Variants in MTURN observed in about 807,000 individuals in gnomAD.
MTURN encodes maturin.
A neutral mutation model predicts 14.9 loss-of-function variants in MTURN; 7 were observed. The observed-to-expected ratio is 0.47, with a 90% CI of 0.27 to 0.88. MTURN has a LOEUF of 0.88. MTURN is among the 40% of genes least tolerant of loss of function. MTURN has a pLI of 0.14. For synonymous variants in MTURN, 69 were observed against 72.5 expected, an observed-to-expected ratio of 0.95 and a Z score of 0.25; for missense variants, 151 against 174.1, an observed-to-expected ratio of 0.87 and a Z score of 0.75.
chr7:30,137,626 G>A, intron 1 of MTURN: 1 of 471,150 alleles, frequency 2.1e-6, no homozygotes, highest in Non-Finnish European at 4.4e-6. Context: ...AGTTCTGGAG[G>A]CTCTAATGGA....
At chr7:30,140,005 A>G (rs1039482434) in intron 1 of MTURN, among the ~76,000 whole-genome samples, 1 of 152,166 alleles carries the variant, frequency 6.6e-6, no homozygotes, top group African/African-American at 2.4e-5. Flanking sequence ...CTTTCTGCCA[A>G]CTTGGAAGGT....
chr7:30,135,025 CG>C lies in MTURN; in HGVS notation c.-110del. 3 of 961,374 alleles carry C rather than the reference CG, an allele frequency of 3.1e-6. No homozygotes were observed. Among genetic ancestry groups the C allele is most frequent in the Non-Finnish European group, 3.8e-6 (3 of 783,638 alleles). 59.6% of individuals were successfully genotyped at this position (961,374 alleles called of 1,614,324 possible). ...GTAAACAGTCCCAGCCGGCCCAGCC[CG>C]GCCCCGGAGGAGCCCGCGCAGGCCG... On this transcript the variant is annotated 5_prime_UTR_variant, in exon 1 of 3. Transcript: ENST00000324453.
At chr7:30,138,812 C>T (rs1487355775) in intron 1 of MTURN, among the ~76,000 whole-genome samples, 1 of 152,214 alleles carries the variant, frequency 6.6e-6, no homozygotes, top group Non-Finnish European at 1.5e-5. Context: ...ACCTTCCTGC[C>T]ACACAGACCC....
intron 2 of MTURN, among the ~76,000 whole-genome samples, chr7:30,147,360 G>T (rs1276676052): frequency 2.0e-5 from 3 of 152,210 alleles, no homozygotes; most frequent in African/African-American, 7.2e-5. Flanking sequence ...GGACTTGGGG[G>T]CCTATTAGTC....
chr7:30,136,686 C>G (rs910455358), intron 1 of MTURN, among the ~76,000 whole-genome samples: 5 of 152,182 alleles, frequency 3.3e-5, no homozygotes, highest in African/African-American at 1.2e-4. Context: ...CCTGGGCATT[C>G]CACAAGTGGC....
rs544137694 is a variant in MTURN at position 30,159,797 on chromosome 7, C to T, written c.*2249C>T. 5 of 152,814 alleles carry T rather than the reference C, an allele frequency of 3.3e-5. No individual in the cohort carries two copies. In the South Asian group the frequency reaches 1.0e-3, roughly 32 times the overall value. The allele number at this position is 152,814 out of a possible 1,614,324, so 9.5% of individuals were successfully genotyped here. A position where few individuals can be genotyped will look rare whatever the true frequency, so the allele number is the denominator to read the frequency against. ...ATGTGTGCACATCCCTTCTCGTGCT[C>T]ACACACTTGCCCACACACTCACTTC... is the stretch of plus-strand genomic sequence containing the variant. On this transcript the variant is annotated 3_prime_UTR_variant, in exon 3 of 3. Transcript: ENST00000324453.
intron 2 of MTURN, among the ~76,000 whole-genome samples, chr7:30,154,182 C>T (rs997747306): frequency 2.1e-4 from 32 of 152,006 alleles, no homozygotes; most frequent in African/African-American, 4.8e-5. Flanking sequence ...AGTCCAGTGG[C>T]GGCAGGCTGG....
At position 30,157,662 on chromosome 7, in the gene MTURN, C is replaced by T; in HGVS notation, c.*114C>T. On this transcript the variant is annotated 3_prime_UTR_variant, in exon 3 of 3. Coordinates refer to ENST00000324453, the MANE Select transcript of MTURN (RefSeq NM_152793.3). ...ACTTCGAAATAGGACATCTGGCTCCCAGCATCCAAATTAAAATGAAATACC... is the reference window on the plus strand; with the variant it reads ...ACTTCGAAATAGGACATCTGGCTCCTAGCATCCAAATTAAAATGAAATACC... 1 of 620,690 alleles carries T rather than the reference C, an allele frequency of 1.6e-6. No homozygotes were observed. The highest frequency in any genetic ancestry group is 2.8e-5 in the South Asian group (1 of 36,180). 38.4% of individuals were successfully genotyped at this position (620,690 alleles called of 1,614,324 possible).
At chr7:30,144,679 A>G (rs1394127351) in intron 1 of MTURN, among the ~76,000 whole-genome samples, 1 of 152,206 alleles carries the variant, frequency 6.6e-6, no homozygotes, top group Non-Finnish European at 1.5e-5. Flanking sequence ...ATTGGGGTAT[A>G]AAGATGGTAC....
chr7:30,136,652 C>T (rs959764119), intron 1 of MTURN, among the ~76,000 whole-genome samples: 3 of 152,066 alleles, frequency 2.0e-5, no homozygotes, highest in Admixed American at 2.0e-4. Context: ...CCCACACGCA[C>T]CCCCTGAGGA....
rs1014408467 is a variant in MTURN at position 30,143,000 on chromosome 7, C to T, written c.163-3177C>T. Reference sequence around the variant, plus strand: ...GGCCACGCCCAGTGGCACAGGACTCCGGGCCTTCAGTTGTGCATTTGTCTT... The same window carrying T: ...GGCCACGCCCAGTGGCACAGGACTCTGGGCCTTCAGTTGTGCATTTGTCTT... On this transcript the variant is annotated intron_variant, in intron 1 of 2. Transcript: ENST00000324453. 5.9e-5 allele frequency among the ~76,000 whole-genome samples: 9 copies of T among 152,286 alleles called. No homozygotes were observed. In the East Asian group the frequency reaches 7.7e-4, roughly 13 times the overall value.
At chr7:30,152,407 C>CCCT (rs1028212549) in intron 2 of MTURN, among the ~76,000 whole-genome samples, 2 of 152,134 alleles carry the variant, frequency 1.3e-5, no homozygotes, top group Admixed American at 1.3e-4. Flanking sequence ...GTCCTACCAC[C>CCCT]CCTGGCTCTT....
Position 30,135,026 on chromosome 7 carries a change from G to C in MTURN, c.-111G>C. The C allele has an allele frequency of 1.0e-6, 1 of 965,486 alleles. No homozygotes were observed. The highest frequency in any genetic ancestry group is 1.3e-6 in the Non-Finnish European group (1 of 787,832). 59.8% of individuals were successfully genotyped at this position (965,486 alleles called of 1,614,324 possible). ...TAAACAGTCCCAGCCGGCCCAGCCC[G>C]GCCCCGGAGGAGCCCGCGCAGGCCG... On this transcript the variant is annotated 5_prime_UTR_variant, in exon 1 of 3. Coordinates refer to ENST00000324453, the MANE Select transcript of MTURN (RefSeq NM_152793.3).
chr7:30,137,494 C>A, intron 1 of MTURN: 1 of 417,504 alleles, frequency 2.4e-6, no homozygotes. Flanking sequence ...TAAATATTTT[C>A]CCATCTGCAT....
chr7:30,148,854 G>A (rs1797166061), intron 2 of MTURN, among the ~76,000 whole-genome samples: 1 of 152,190 alleles, frequency 6.6e-6, no homozygotes, highest in Non-Finnish European at 1.5e-5. Context: ...GTTAGACATC[G>A]AAGAAGGGAG....
At chr7:30,146,349 T>C (rs370491182) in intron 2 of MTURN, 50 bp downstream of exon 2, 6 of 1,605,962 alleles carry the variant, frequency 3.7e-6, no homozygotes, top group Non-Finnish European at 5.1e-6. Flanking sequence ...ATGGTGATTG[T>C]GTTTAGAATA....
intron 2 of MTURN, among the ~76,000 whole-genome samples, chr7:30,148,044 G>A (rs912806920): frequency 3.9e-5 from 6 of 152,222 alleles, no homozygotes; most frequent in Non-Finnish European, 5.9e-5. Flanking sequence ...CCAGTGGGGG[G>A]AGACAGGATA....
chr7:30,162,526 C>T lies in MTURN; in HGVS notation c.*4978C>T, dbSNP rs1165661328. ...TTTTTTTTTAGGCAAGAAGTGTTGC[C>T]GGTAGGGTATGTGTGCTTTCTTTGC... On this transcript the variant is annotated 3_prime_UTR_variant, in exon 3 of 3. Coordinates refer to ENST00000324453, the MANE Select transcript of MTURN (RefSeq NM_152793.3). 6 of 150,530 alleles carry T rather than the reference C, an allele frequency of 4.0e-5. No homozygotes were observed. Among genetic ancestry groups the T allele is most frequent in the Admixed American group, 2.7e-4 (4 of 15,092 alleles). 9.3% of individuals were successfully genotyped at this position (150,530 alleles called of 1,614,324 possible). A position where few individuals can be genotyped will look rare whatever the true frequency, so the allele number is the denominator to read the frequency against.
At chr7:30,136,595 G>A (rs1796966288) in intron 1 of MTURN, among the ~76,000 whole-genome samples, 1 of 152,088 alleles carries the variant, frequency 6.6e-6, no homozygotes, top group Non-Finnish European at 1.5e-5. Context: ...CTTGGTCCTG[G>A]AGAGGTGAAG....
Sources: allele counts gnomAD v4.1 joint callset (sites outside exome capture counted in the v4.1 genomes callset), GRCh38; gene constraint gnomAD v4.1.1; transcripts MANE v1.5; gene names NCBI Gene and HGNC (gene_info 2026-07-23, HGNC 2026-07-21).